The following HNF4A variants were observed in gnomAD, a reference collection of about 807,000 sequenced individuals.
HNF4A encodes the protein hepatocyte nuclear factor 4 alpha, also known as hepatocyte nuclear factor 4-alpha.
A neutral mutation model predicts 52.4 loss-of-function variants in HNF4A; 15 were observed. The ratio of observed to expected loss-of-function variants is 0.29; its 90% confidence interval spans 0.19 to 0.44. The LOEUF is 0.44. Ranked by LOEUF, HNF4A falls within the 20% of genes least tolerant of loss-of-function variation. The pLI is 1.00. For synonymous variants in HNF4A, 280 were observed against 264.4 expected (o/e 1.06, Z -0.57); for missense variants, 479 against 647.2 (o/e 0.74, Z 2.82).
chr20:44,365,898 T>C (rs572236633), intron 1 of HNF4A, among the ~76,000 whole-genome samples: 16 of 152,138 alleles, frequency 1.1e-4, no homozygotes, highest in African/African-American at 3.1e-4. Context: ...TCCCACCTAC[T>C]CGGGAGGCTG....
At chr20:44,406,361 T>A in intron 2 of HNF4A, 129 bp downstream of exon 2, 1 of 782,286 alleles carries the variant, frequency 1.3e-6, no homozygotes. Flanking sequence ...GCTCTTCTGG[T>A]TTTGTAAAAG....
chr20:44,407,524 A>T, intron 3 of HNF4A, 49 bp downstream of exon 3: 1 of 1,239,940 alleles, frequency 8.1e-7, no homozygotes. Context: ...ACCTGCACCC[A>T]CAGCTCCCCG....
At chr20:44,416,502 G>A (rs778503560) in intron 5 of HNF4A, among the ~76,000 whole-genome samples, 17 of 152,376 alleles carry the variant, frequency 1.1e-4, no homozygotes, top group Non-Finnish European at 1.9e-4. Context: ...GACTTGCACA[G>A]TGCCCAGTGC....
chr20:44,399,557 T>C (rs1345725880), upstream of HNF4A, among the ~76,000 whole-genome samples: 1 of 152,112 alleles, frequency 6.6e-6, no homozygotes, highest in East Asian at 1.9e-4. Context: ...GGAAAGAACA[T>C]GAAGATGCCT....
chr20:44,408,311 A>G (rs1054996862), intron 3 of HNF4A: 1 of 154,552 alleles, frequency 6.5e-6, no homozygotes. Context: ...GAAGTCCCAG[A>G]GCTTCTGCTA....
At chr20:44,366,634 C>CA (rs928922132) in intron 1 of HNF4A, among the ~76,000 whole-genome samples, 19 of 151,374 alleles carry the variant, frequency 1.3e-4, no homozygotes, top group South Asian at 1.0e-3. Context: ...AAGAAAAAAA[C>CA]AAAAAAAACA....
At position 44,430,035 on chromosome 20, in the gene HNF4A, G is replaced by A. The variant is rs1294570853; in HGVS notation, c.*370G>A. ...CCCAGCTCCCTTCTTCCCTAGCCTG[G>A]TGCTTCTCCTCTCCTAGCCCCTGTC... is the stretch of plus-strand genomic sequence containing the variant. On this transcript the variant is annotated 3_prime_UTR_variant, in exon 10 of 10. Coordinates refer to ENST00000316099, the MANE Select transcript of HNF4A (RefSeq NM_000457.6). The A allele has an allele frequency of 4.2e-6, 1 of 239,860 alleles. No individual in the cohort carries two copies. The highest frequency in any genetic ancestry group is 1.1e-4 in the East Asian group (1 of 9,026). 14.9% of individuals were successfully genotyped at this position (239,860 alleles called of 1,614,324 possible). A position where few individuals can be genotyped will look rare whatever the true frequency, so the allele number is the denominator to read the frequency against.
intron 7 of HNF4A, among the ~76,000 whole-genome samples, chr20:44,422,972 C>G (rs1281592156): frequency 6.6e-6 from 1 of 152,156 alleles, no homozygotes; most frequent in Non-Finnish European, 1.5e-5. Context: ...AGCCACCATG[C>G]CTGGCCCTAT....
At chr20:44,379,454 C>T (rs1212983212) in intron 1 of HNF4A, among the ~76,000 whole-genome samples, 1 of 152,132 alleles carries the variant, frequency 6.6e-6, no homozygotes, top group Non-Finnish European at 1.5e-5. Context: ...TTCTCCACAT[C>T]TTCACCAACA....
rs755438203 is a variant in HNF4A, at chr20:44,432,444, A to C, written c.*2779A>C. The C allele has an allele frequency of 2.9e-5, 4 of 139,240 alleles. No individual in the cohort carries two copies. The highest frequency in any genetic ancestry group is 6.0e-5 in the Non-Finnish European group (4 of 66,184). The allele number at this position is 139,240 out of a possible 1,614,324, so 8.6% of individuals were successfully genotyped here. Reference sequence around the variant, plus strand: ...GGTTGCTGGGGGGACAAGCGTGGGCACAATTTCCCCACCAAGACACCCTGA... The same window carrying C: ...GGTTGCTGGGGGGACAAGCGTGGGCCCAATTTCCCCACCAAGACACCCTGA... On this transcript the variant is annotated 3_prime_UTR_variant, in exon 10 of 10. Transcript: ENST00000316099.
At chr20:44,427,910 T>C (rs547740743) in intron 8 of HNF4A, among the ~76,000 whole-genome samples, 2 of 152,210 alleles carry the variant, frequency 1.3e-5, no homozygotes, top group South Asian at 4.2e-4. Context: ...ATAGATGCTA[T>C]AAGTAGGTCA....
chr20:44,393,642 G>A (rs947242294), intron 1 of HNF4A, among the ~76,000 whole-genome samples: 5 of 152,134 alleles, frequency 3.3e-5, no homozygotes, highest in Non-Finnish European at 2.9e-5. Flanking sequence ...CTCCCAGAGT[G>A]GCTGGGAGGA....
chr20:44,385,585 C>G (rs956115088), intron 1 of HNF4A, among the ~76,000 whole-genome samples: 2 of 151,848 alleles, frequency 1.3e-5, no homozygotes, highest in African/African-American at 4.8e-5. Context: ...TCTCCTGCCC[C>G]AGCCTCCCAA....
chr20:44,371,579 C>A (rs1337395188), intron 1 of HNF4A, among the ~76,000 whole-genome samples: 1 of 152,130 alleles, frequency 6.6e-6, no homozygotes, highest in Non-Finnish European at 1.5e-5. Flanking sequence ...AATCCCAGCA[C>A]TTTGGGAGGT....
intron 6 of HNF4A, among the ~76,000 whole-genome samples, chr20:44,419,067 C>T (rs1419306820): frequency 2.0e-5 from 3 of 152,170 alleles, no homozygotes; most frequent in Admixed American, 6.5e-5. Context: ...TGAGCCACCG[C>T]GCCTGGCCTA....
chr20:44,359,640 G>A (rs2062896229), intron 1 of HNF4A, among the ~76,000 whole-genome samples: 1 of 152,262 alleles, frequency 6.6e-6, no homozygotes, highest in South Asian at 2.1e-4. Flanking sequence ...TGTGGTGAGG[G>A]GCTGTCCTGT....
Position 44,429,628 on chromosome 20 carries a change from T to TC in HNF4A, c.1393dup (p.Gln465ProfsTer42), listed in dbSNP as rs1236623117. Reference sequence around the variant, plus strand: ...ACAATCGTCAAGCCCCTCTCTGCCATCCCCCAGCCGACCATCACCAAGCAG... The same window carrying TC: ...ACAATCGTCAAGCCCCTCTCTGCCATCCCCCCAGCCGACCATCACCAAGCAG... On this transcript the variant is annotated frameshift_variant, in exon 10 of 10. Coordinates refer to ENST00000316099, the MANE Select transcript of HNF4A (RefSeq NM_000457.6). LOFTEE classifies it high-confidence loss of function. 6.2e-7 allele frequency: 1 copy of TC among 1,613,326 alleles called. No individual in the cohort carries two copies.
chr20:44,421,328 C>T (rs1186142454), intron 7 of HNF4A, among the ~76,000 whole-genome samples: 1 of 152,158 alleles, frequency 6.6e-6, no homozygotes. Flanking sequence ...ACAAAACTTG[C>T]TTTTGTTTCC....
chr20:44,374,270 G>T (rs6031563), intron 1 of HNF4A, among the ~76,000 whole-genome samples: 116,088 of 152,126 alleles, frequency 0.76, 45,020 homozygotes, highest in African/African-American at 0.89. Context: ...CTTAGGATGA[G>T]GTCCTCCAGC....
Sources: gnomAD v4.1 joint callset for allele counts (sites outside exome capture counted in the v4.1 genomes callset) on GRCh38, gnomAD v4.1.1 for gene constraint, MANE v1.5 for transcripts, NCBI Gene and HGNC (gene_info 2026-07-23, HGNC 2026-07-21) for gene names.